PEX14: variants seen among roughly 807,000 people sequenced by gnomAD.
PEX14 encodes the protein peroxisomal membrane protein PEX14.
A neutral mutation model predicts 49.5 loss-of-function variants in PEX14; 15 were observed. The ratio of observed to expected loss-of-function variants is 0.30; its 90% CI spans 0.20 to 0.47. The LOEUF (loss-of-function observed/expected upper bound fraction) is 0.47, where lower values mean the gene tolerates loss of function less well. PEX14 is among the 20% of genes least tolerant of loss of function. The pLI is 1.00. For missense variants in PEX14, 398 were observed against 494.8 expected (o/e 0.80, Z 1.86); for synonymous variants, 210 against 212.7 (o/e 0.99, Z 0.11).
intron 3 of PEX14, among the ~76,000 whole-genome samples, chr1:10,592,696 A>G (rs1291478902): frequency 6.6e-6 from 1 of 152,216 alleles, no homozygotes; most frequent in East Asian, 1.9e-4. Flanking sequence ...AACCTATCAA[A>G]AGTAAATGTA....
chr1:10,494,367 A>T lies in PEX14; in HGVS notation c.37-907A>T, dbSNP rs191238857. Among the ~76,000 whole-genome samples the T allele has an allele frequency of 6.6e-6, 1 of 152,382 alleles. No individual in the cohort carries two copies. Among genetic ancestry groups the T allele is most frequent in the Non-Finnish European group, 1.5e-5 (1 of 68,038 alleles). On this transcript the variant is annotated intron_variant, in intron 1 of 8. Transcript: ENST00000356607. The surrounding 1 kb of genome is among the most constrained non-coding windows in gnomAD (Gnocchi z 4.3). ...CAGATTTTGCTGCACTTGTCTGGATATTAACTGTAGATAGATGGCAATTGG... is the reference window on the plus strand; with the variant it reads ...CAGATTTTGCTGCACTTGTCTGGATTTTAACTGTAGATAGATGGCAATTGG...
intron 3 of PEX14, among the ~76,000 whole-genome samples, chr1:10,565,331 G>A (rs1252308602): frequency 6.6e-6 from 1 of 152,174 alleles, no homozygotes; most frequent in Non-Finnish European, 1.5e-5. Flanking sequence ...GATCAATCAG[G>A]ATTTGGCCTG....
intron 1 of PEX14, among the ~76,000 whole-genome samples, chr1:10,476,250 T>C (rs1018108123): frequency 2.0e-5 from 3 of 152,312 alleles, no homozygotes; most frequent in Admixed American, 2.0e-4. Context: ...CAGTTTCTAT[T>C]AGCAGTGTGA....
rs560432671 is a variant in PEX14 at position 10,609,727 on chromosome 1, G to A, written c.299-8605G>A. On this transcript the variant is annotated intron_variant, in intron 4 of 8. Transcript: ENST00000356607. ...TGGTGAAACCCTGTCTCTACTAAAC[G>A]TACAAAAATTAGCTGGCCGTGGTGG... Among the ~76,000 whole-genome samples, 553 of 152,020 alleles carry A rather than the reference G, an allele frequency of 3.6e-3. 3 individuals carry two copies. Among genetic ancestry groups the A allele is most frequent in the African/African-American group, 0.012 (517 of 41,456 alleles).
At chr1:10,534,147 T>A (rs2124478421) in intron 2 of PEX14, among the ~76,000 whole-genome samples, 1 of 152,336 alleles carries the variant, frequency 6.6e-6, no homozygotes. Context: ...CGCTGACACC[T>A]GGTACACGTG....
intron 4 of PEX14, among the ~76,000 whole-genome samples, chr1:10,617,845 C>G (rs946592682): frequency 6.6e-6 from 1 of 152,312 alleles, no homozygotes; most frequent in South Asian, 2.1e-4. Context: ...CCCCCGTGCC[C>G]CCACCCAGCG....
chr1:10,545,697 T>C (rs1639148588), intron 3 of PEX14, among the ~76,000 whole-genome samples: 1 of 152,232 alleles, frequency 6.6e-6, no homozygotes, highest in Admixed American at 6.5e-5. Flanking sequence ...GGTTTCTTTA[T>C]CTGTAAAATG....
chr1:10,475,256 C>G (rs1641175242), intron 1 of PEX14, among the ~76,000 whole-genome samples: 4 of 152,020 alleles, frequency 2.6e-5, no homozygotes, highest in African/African-American at 7.2e-5. Context: ...TTCCCGCCTG[C>G]CAGCACCTCT....
At chr1:10,527,917 C>T (rs1305373547) in intron 2 of PEX14, among the ~76,000 whole-genome samples, 2 of 152,214 alleles carry the variant, frequency 1.3e-5, no homozygotes, top group South Asian at 2.1e-4. Context: ...CTGGTCCACT[C>T]GCCTCGGCCT....
chr1:10,590,685 T>C (rs1399939101), intron 3 of PEX14, among the ~76,000 whole-genome samples: 1 of 152,198 alleles, frequency 6.6e-6, no homozygotes, highest in African/African-American at 2.4e-5. Flanking sequence ...TCAATACTAA[T>C]AATGTTGACA....
At chr1:10,575,749 A>G (rs1413641087) in intron 3 of PEX14, among the ~76,000 whole-genome samples, 2 of 152,206 alleles carry the variant, frequency 1.3e-5, no homozygotes, top group South Asian at 2.1e-4. Context: ...TAGAAAAAAA[A>G]TGGTGACTAG....
intron 2 of PEX14, among the ~76,000 whole-genome samples, chr1:10,535,513 G>A (rs1304681174): frequency 4.6e-5 from 7 of 152,148 alleles, no homozygotes; most frequent in East Asian, 1.9e-4. Flanking sequence ...TGTTGTCTCC[G>A]ACATAATCCC....
chr1:10,528,213 C>A, intron 2 of PEX14: 2 of 493,628 alleles, frequency 4.1e-6, no homozygotes, highest in Non-Finnish European at 5.3e-6. Flanking sequence ...TTATCCATGA[C>A]ACAACCTTTC....
rs12063215 is a variant in PEX14, at chr1:10,531,010, C to G, written c.85-5203C>G. 3.3e-5 allele frequency among the ~76,000 whole-genome samples: 5 copies of G among 152,056 alleles called. No homozygotes were observed. In the East Asian group the frequency reaches 7.7e-4, roughly 23 times the overall value. On this transcript the variant is annotated intron_variant, in intron 2 of 8. Transcript: ENST00000356607. ...TGGTTGCCGCTGCTTCCTTCCCTCC[C>G]CAGCCTGTTCCCTAGCTAGAAAGAG... is the stretch of plus-strand genomic sequence containing the variant.
intron 4 of PEX14, among the ~76,000 whole-genome samples, chr1:10,603,989 C>T (rs1641058556): frequency 6.6e-6 from 1 of 152,194 alleles, no homozygotes; most frequent in Admixed American, 6.5e-5. Flanking sequence ...TTTTGTAGCC[C>T]TGTGTAGTAA....
intron 2 of PEX14, among the ~76,000 whole-genome samples, chr1:10,534,089 A>C (rs1344594002): frequency 6.6e-6 from 1 of 152,232 alleles, no homozygotes; most frequent in Non-Finnish European, 1.5e-5. Context: ...AAATGATAGG[A>C]GCTGTACTAC....
At chr1:10,516,508 A>T (rs867652289) in intron 2 of PEX14, among the ~76,000 whole-genome samples, 23 of 152,170 alleles carry the variant, frequency 1.5e-4, no homozygotes, top group African/African-American at 5.3e-4. Flanking sequence ...CTTTTACAGG[A>T]TCTCAAATCT....
intron 2 of PEX14, among the ~76,000 whole-genome samples, chr1:10,510,210 C>T (rs960613153): frequency 5.9e-5 from 9 of 152,246 alleles, no homozygotes; most frequent in Non-Finnish European, 1.2e-4. Context: ...TTCATCCCTA[C>T]ACGTGCTGCT....
chr1:10,561,907 A>G (rs1015096308), intron 3 of PEX14, among the ~76,000 whole-genome samples: 1 of 151,934 alleles, frequency 6.6e-6, no homozygotes, highest in Admixed American at 6.6e-5. Context: ...TCTTTAGTTC[A>G]GAGTGCTATA....
Sources: gnomAD v4.1 joint callset for allele counts (sites outside exome capture counted in the v4.1 genomes callset) on GRCh38, gnomAD v4.1.1 for gene constraint, Gnocchi (gnomAD v3.1) non-coding constraint, MANE v1.5 for transcripts, NCBI Gene and HGNC (gene_info 2026-07-23, HGNC 2026-07-21) for gene names.